ARHGEF11: variants seen among roughly 807,000 people sequenced by gnomAD.
ARHGEF11 encodes the protein Rho guanine nucleotide exchange factor 11.
In ARHGEF11, 55 loss-of-function variants were observed where a neutral mutation model predicts 193.7. The ratio of observed to expected loss-of-function variants is 0.28; its 90% CI spans 0.23 to 0.36. The LOEUF (loss-of-function observed/expected upper bound fraction) is 0.36, where lower values mean the gene tolerates loss of function less well. Ranked by LOEUF, ARHGEF11 falls within the 10% of genes least tolerant of loss-of-function variation. ARHGEF11 has a pLI of 1.00. For missense variants in ARHGEF11, 1,723 were observed against 2,005.6 expected (o/e 0.86, Z 2.69); for synonymous variants, 693 against 768.0 (o/e 0.90, Z 1.62).
chr1:156,970,115 A>G (rs1234569901), intron 8 of ARHGEF11, 72 bp from the exon 9 acceptor site: 8 of 1,384,168 alleles, frequency 5.8e-6, no homozygotes, highest in African/African-American at 2.9e-5. Flanking sequence ...TTCACCAATC[A>G]GTGCCTTATT....
At position 156,939,771 on chromosome 1, in the gene ARHGEF11, G is replaced by A; in HGVS notation, c.3873C>T (p.Gly1291=). ...ISVTSHPWDP[G]SPGQAPPGGE... is the part of the protein sequence containing the mutation. ...CCCCAGGGGGTGCTTGCCCTGGGGA[G>A]CCTGGGTCCCAGGGGTGAGAGGTGA... Residue 1291 remains glycine (G), a synonymous_variant, in exon 37 of 41, where the codon GGC becomes GGT. Transcript: ENST00000368194. 4 of 1,613,956 alleles carry A rather than the reference G, an allele frequency of 2.5e-6. No individual in the cohort carries two copies. The highest frequency in any genetic ancestry group is 3.4e-6 in the Non-Finnish European group (4 of 1,179,958).
intron 1 of ARHGEF11, among the ~76,000 whole-genome samples, chr1:157,043,529 C>A (rs1673011575): frequency 6.6e-6 from 1 of 152,220 alleles, no homozygotes; most frequent in African/African-American, 2.4e-5. Flanking sequence ...ACTCTGAGGG[C>A]CAGTGCTGCT....
intron 4 of ARHGEF11, among the ~76,000 whole-genome samples, chr1:156,979,918 G>A (rs771946243): frequency 7.2e-5 from 11 of 152,182 alleles, no homozygotes; most frequent in Non-Finnish European, 1.3e-4. Context: ...GACCCAGTGT[G>A]CTTCCTCATT....
At chr1:156,962,130 G>A (rs1319070500) in intron 13 of ARHGEF11, among the ~76,000 whole-genome samples, 1 of 152,144 alleles carries the variant, frequency 6.6e-6, no homozygotes, top group Non-Finnish European at 1.5e-5. Flanking sequence ...TTTCACTTGT[G>A]TCTTGTGCTG....
chr1:156,978,119 A>G (rs1265142663), intron 6 of ARHGEF11, 85 bp downstream of exon 6: 19 of 1,562,114 alleles, frequency 1.2e-5, no homozygotes. Flanking sequence ...CCACAGCCCC[A>G]CTGGATTTAA....
intron 1 of ARHGEF11, among the ~76,000 whole-genome samples, chr1:156,995,372 C>G (rs1666333292): frequency 6.6e-6 from 1 of 152,164 alleles, no homozygotes; most frequent in Admixed American, 6.5e-5. Context: ...GTATTTCAAC[C>G]TCAGGGGCTT....
Position 156,939,898 on chromosome 1 carries a change from C to T in ARHGEF11, c.3746G>A (p.Arg1249Gln), listed in dbSNP as rs749276417. The change falls in exon 37 of 41, where the codon CGA becomes CAA. Residue 1249 changes from arginine to glutamine, a missense_variant. By Grantham distance (43) the Arg-to-Gln change is conservative. Coordinates refer to ENST00000368194, the MANE Select transcript of ARHGEF11 (RefSeq NM_198236.3). Reference protein sequence around the residue: ...DSALEDVENLRHLILWSLLPG... With the variant: ...DSALEDVENLQHLILWSLLPG... ...CAGCAGGCTCCACAGGATCAGATGT[C>T]GCAGGTTCTCCACTGGAGGGGAAAC... The T allele has an allele frequency of 1.6e-5, 26 of 1,604,774 alleles. No homozygotes were observed. Among genetic ancestry groups the T allele is most frequent in the Middle Eastern group, 1.7e-4 (1 of 6,032 alleles).
intron 38 of ARHGEF11, among the ~76,000 whole-genome samples, chr1:156,938,058 CCA>C (rs1370403388): frequency 6.6e-6 from 1 of 152,216 alleles, no homozygotes. Flanking sequence ...CAGCCGATTT[CCA>C]CAGTGACACT....
chr1:156,944,326 T>C (rs1657683989), intron 31 of ARHGEF11, 32 bp downstream of exon 31: 2 of 1,609,722 alleles, frequency 1.2e-6, no homozygotes, highest in African/African-American at 1.3e-5. Flanking sequence ...CCACTACAGG[T>C]TCCTGCTCAG....
At chr1:157,015,294 G>A (rs905293516) in intron 1 of ARHGEF11, among the ~76,000 whole-genome samples, 2 of 152,190 alleles carry the variant, frequency 1.3e-5, no homozygotes, top group African/African-American at 4.8e-5. Flanking sequence ...TACCAGCTGT[G>A]TGATTTGGGT....
chr1:157,037,946 C>A (rs891996638), intron 1 of ARHGEF11, among the ~76,000 whole-genome samples: 2 of 144,082 alleles, frequency 1.4e-5, no homozygotes, highest in Admixed American at 1.5e-4. Context: ...GGCAGAGAAT[C>A]GCTTGAACCC....
At chr1:156,942,431 G>A (rs1368809233) in intron 33 of ARHGEF11, among the ~76,000 whole-genome samples, 1 of 152,200 alleles carries the variant, frequency 6.6e-6, no homozygotes, top group African/African-American at 2.4e-5. Context: ...AGGGAGTAGG[G>A]CAGGAAGGAA....
chr1:156,944,296 A>G (rs1400928542), intron 31 of ARHGEF11, 62 bp downstream of exon 31: 1 of 1,549,874 alleles, frequency 6.5e-7, no homozygotes, highest in Non-Finnish European at 8.9e-7. Flanking sequence ...GGAAAGACAG[A>G]AGAGCCCAGG....
rs879506350 is a variant in ARHGEF11, at chr1:156,935,673, G to A, written c.*327C>T. The A allele has an allele frequency of 1.8e-4, 46 of 257,478 alleles. No homozygotes were observed. The highest frequency in any genetic ancestry group is 2.2e-3 in the Middle Eastern group (2 of 892). 15.9% of individuals were successfully genotyped at this position (257,478 alleles called of 1,614,324 possible). On this transcript the variant is annotated 3_prime_UTR_variant, in exon 41 of 41. Coordinates refer to ENST00000368194, the MANE Select transcript of ARHGEF11 (RefSeq NM_198236.3). ...TTTCACTTGCATGTCTGAGGGCAGC[G>A]CACATACAGGCGTGCGCGTGTACAC...
intron 40 of ARHGEF11, 134 bp downstream of exon 40, chr1:156,936,682 G>C: frequency 4.7e-6 from 5 of 1,064,548 alleles, no homozygotes; most frequent in Non-Finnish European, 6.8e-6. Context: ...CTGAAGCTGA[G>C]AGAATGAACT....
intron 1 of ARHGEF11, among the ~76,000 whole-genome samples, chr1:156,992,965 T>G (rs1194354524): frequency 6.6e-6 from 1 of 152,308 alleles, no homozygotes; most frequent in East Asian, 1.9e-4. Context: ...CCTGGTCTAC[T>G]CACCCTTACG....
At chr1:157,005,151 T>C (rs1314625230) in intron 1 of ARHGEF11, among the ~76,000 whole-genome samples, 1 of 152,244 alleles carries the variant, frequency 6.6e-6, no homozygotes, top group Non-Finnish European at 1.5e-5. Context: ...CTTTGTATAG[T>C]ACTTCCCTTC....
chr1:156,950,281 G>A lies in ARHGEF11; in HGVS notation c.1925+1292C>T, dbSNP rs181582736. Among the ~76,000 whole-genome samples the A allele has an allele frequency of 1.9e-3, 288 of 152,232 alleles. 1 individual carries two copies. The highest frequency in any genetic ancestry group is 6.5e-3 in the African/African-American group (271 of 41,524). On this transcript the variant is annotated intron_variant, in intron 22 of 40. Transcript: ENST00000368194. ...GCTGAAAAAAGGCTTCATATAAACA[G>A]AAAGGAGTAACCTGCATTCAAGCAG...
rs1658492887 is a variant in ARHGEF11, at chr1:156,948,159, C to T, written c.2153+22G>A. ...GGGACACAGAGACACCAAACAGAGG[C>T]ACCACCGTGCCCATCACTTACCTGC... is the stretch of plus-strand genomic sequence containing the variant. On this transcript the variant is annotated intron_variant, in intron 24 of 40. Coordinates refer to ENST00000368194, the MANE Select transcript of ARHGEF11 (RefSeq NM_198236.3). The surrounding 1 kb of genome is among the most constrained non-coding windows in gnomAD (Gnocchi z 4.2). 6.5e-7 allele frequency: 1 copy of T among 1,546,392 alleles called. No individual in the cohort carries two copies. Among genetic ancestry groups the T allele is most frequent in the Non-Finnish European group, 8.7e-7 (1 of 1,144,768 alleles).
Sources: gnomAD v4.1 joint callset for allele counts (sites outside exome capture counted in the v4.1 genomes callset) on GRCh38, gnomAD v4.1.1 for gene constraint, Gnocchi (gnomAD v3.1) non-coding constraint, MANE v1.5 for transcripts, NCBI Gene and HGNC (gene_info 2026-07-23, HGNC 2026-07-21) for gene names.